Variants in ENPP1 observed in about 807,000 individuals in gnomAD.
ENPP1 encodes the protein ectonucleotide pyrophosphatase/phosphodiesterase 1, also known as ectonucleotide pyrophosphatase/phosphodiesterase family member 1.
Under a neutral mutation model 122.8 loss-of-function variants are expected in ENPP1, and 73 were observed. That is an observed-to-expected ratio of 0.59 (90% CI 0.49 to 0.72). The LOEUF is 0.72. Among genes scored for constraint, ENPP1 ranks in the 30% least tolerant of loss-of-function variants. The probability of loss-of-function intolerance (pLI) is 0.00; values close to 1 mark genes in which losing one functional copy is unlikely to be tolerated. For missense variants in ENPP1, 978 were observed against 1,128.1 expected (o/e 0.87, Z 1.91); for synonymous variants, 367 against 391.6 (o/e 0.94, Z 0.74).
chr6:131,853,318 C>T (rs1781904162), intron 5 of ENPP1, among the ~76,000 whole-genome samples: 1 of 152,112 alleles, frequency 6.6e-6, no homozygotes, highest in South Asian at 2.1e-4. Flanking sequence ...CCAAGGAATA[C>T]TGGGAATGTT....
chr6:131,871,312 A>G (rs151113668), intron 13 of ENPP1, among the ~76,000 whole-genome samples: 25 of 152,354 alleles, frequency 1.6e-4, no homozygotes, highest in African/African-American at 6.0e-4. Context: ...GAAGCTAGAC[A>G]GTTATTGATT....
At chr6:131,858,596 G>C in intron 6 of ENPP1, 72 bp from the exon 7 acceptor site, 1 of 939,868 alleles carries the variant, frequency 1.1e-6, no homozygotes, top group Non-Finnish European at 1.7e-6. Flanking sequence ...GACTGCTGTG[G>C]TACCACTGCT....
intron 1 of ENPP1, among the ~76,000 whole-genome samples, chr6:131,835,292 T>G (rs1781660585): frequency 6.6e-6 from 1 of 152,190 alleles, no homozygotes; most frequent in African/African-American, 2.4e-5. Flanking sequence ...AATTATTTTG[T>G]CAATTGTCAT....
rs1212319299 is a variant in ENPP1, at chr6:131,808,212, G to A, written c.177G>A (p.Pro59=). The change falls in exon 1 of 25, where the codon CCG becomes CCA. Residue 59 remains proline, a synonymous_variant. Coordinates refer to ENST00000647893, the MANE Select transcript of ENPP1 (RefSeq NM_006208.3). ...LLAPMDVGEE[P]LEKAARARTA... is the part of the protein sequence containing the mutation. ...CCCCTATGGACGTGGGGGAGGAGCC[G>A]CTGGAGAAGGCGGCGCGCGCCCGCA... 1.3e-6 allele frequency: 2 copies of A among 1,511,854 alleles called. No individual in the cohort carries two copies. The highest frequency in any genetic ancestry group is 2.3e-4 in the Middle Eastern group (1 of 4,270). The allele number at this position is 1,511,854 out of a possible 1,614,324, so 93.7% of individuals were successfully genotyped here.
Position 131,886,700 on chromosome 6 carries a change from G to A in ENPP1, c.2583G>A (p.Arg861=), listed in dbSNP as rs1388627584. The A allele has an allele frequency of 1.9e-6, 3 of 1,613,850 alleles. No individual in the cohort carries two copies. The highest frequency in any genetic ancestry group is 1.1e-5 in the South Asian group (1 of 90,994). The part of the protein sequence containing the change: ...LDTLAFILPH[R]TDNSESCVHG... ...CCTTAGCTTTCATTTTGCCTCACAG[G>A]ACTGATAACAGCGAGAGCTGTGTGG... is the stretch of plus-strand genomic sequence containing the variant. Residue 861 remains arginine (R), a synonymous_variant, in exon 24 of 25, where the codon AGG becomes AGA. Coordinates refer to ENST00000647893, the MANE Select transcript of ENPP1 (RefSeq NM_006208.3).
intron 3 of ENPP1, 50 bp from the exon 4 acceptor site, chr6:131,851,092 A>C (rs1347403212): frequency 6.2e-7 from 1 of 1,604,830 alleles, no homozygotes; most frequent in Non-Finnish European, 8.5e-7. Flanking sequence ...TTCACTTTGG[A>C]CATGTTGAAT....
Position 131,852,195 on chromosome 6 carries a change from G to A in ENPP1, c.577G>A (p.Glu193Lys). ...TTTAGGTGAGAAAAGTTGGGTAGAA[G>A]AACCATGTGAGAGCATTAATGAGCC... is the stretch of plus-strand genomic sequence containing the variant. Reference protein sequence around the residue: ...VCQGEKSWVEEPCESINEPQC... With the variant: ...VCQGEKSWVEKPCESINEPQC... The change falls in exon 5 of 25, where the codon GAA becomes AAA. Residue 193 changes from glutamate to lysine, a missense_variant. By Grantham distance (56) the Glu-to-Lys change is moderately conservative. Around this residue, in one of 3 missense-constraint regions of ENPP1, gnomAD observed 330 missense variants for 328.5 expected, o/e 1.00. Coordinates refer to ENST00000647893, the MANE Select transcript of ENPP1 (RefSeq NM_006208.3). 1 of 1,606,182 alleles carries A rather than the reference G, an allele frequency of 6.2e-7. No individual in the cohort carries two copies.
At chr6:131,812,080 G>C (rs970717340) in intron 1 of ENPP1, among the ~76,000 whole-genome samples, 1 of 152,114 alleles carries the variant, frequency 6.6e-6, no homozygotes, top group Non-Finnish European at 1.5e-5. Flanking sequence ...CACTTACACT[G>C]GAGTTGAGGT....
rs113260515 is a variant in ENPP1, at chr6:131,849,926, G to A, written c.314-64G>A. ...GTGTACACCTAACTTAGTTGTATTC[G>A]TTGATGTTTACTTTGAATTATATAA... On this transcript the variant is annotated intron_variant, in intron 2 of 24. Transcript: ENST00000647893. 3.8e-3 allele frequency: 4,412 copies of A among 1,174,648 alleles called. 117 individuals are homozygous for A. The African/African-American group carries it at 0.055, about 15-fold the overall frequency. 72.8% of individuals were successfully genotyped at this position (1,174,648 alleles called of 1,614,324 possible). A position where few individuals can be genotyped will look rare whatever the true frequency, so the allele number is the denominator to read the frequency against.
chr6:131,809,150 C>T (rs1404319587), intron 1 of ENPP1, among the ~76,000 whole-genome samples: 2 of 152,070 alleles, frequency 1.3e-5, no homozygotes, highest in African/African-American at 4.8e-5. Flanking sequence ...GAAAATCAAG[C>T]TGAAGAATGT....
Position 131,875,767 on chromosome 6 carries a change from G to T in ENPP1, c.1636-9G>T. ...ATGCACTGATAAACTTCCTTTTCTG[G>T]CCATCTAGGCCCTCTTTGTTGGCTA... On this transcript the variant is annotated splice_polypyrimidine_tract_variant and intron_variant, in intron 16 of 24. Coordinates refer to ENST00000647893, the MANE Select transcript of ENPP1 (RefSeq NM_006208.3). 1.9e-6 allele frequency: 3 copies of T among 1,612,068 alleles called. No homozygotes were observed. Among genetic ancestry groups the T allele is most frequent in the Non-Finnish European group, 2.5e-6 (3 of 1,178,136 alleles).
chr6:131,864,180 C>T (rs1478026482), intron 9 of ENPP1, among the ~76,000 whole-genome samples: 3 of 152,080 alleles, frequency 2.0e-5, no homozygotes, highest in Non-Finnish European at 2.9e-5. Flanking sequence ...TGAGTGAGTG[C>T]TTCATGATGT....
At chr6:131,818,282 C>A (rs1333714774) in intron 1 of ENPP1, among the ~76,000 whole-genome samples, 1 of 151,096 alleles carries the variant, frequency 6.6e-6, no homozygotes, top group African/African-American at 2.4e-5. Context: ...CATGCACTTG[C>A]AATAAAAAAA....
At chr6:131,856,990 T>G (rs868754724) in intron 6 of ENPP1, among the ~76,000 whole-genome samples, 18 of 152,174 alleles carry the variant, frequency 1.2e-4, no homozygotes, top group Middle Eastern at 3.4e-3. Flanking sequence ...TTTGGTTCCA[T>G]ATGAACTTTA....
chr6:131,828,277 C>T, intron 1 of ENPP1: 1 of 539,292 alleles, frequency 1.9e-6, no homozygotes, highest in African/African-American at 1.9e-5. Flanking sequence ...TGCTCTGTGT[C>T]AGCTGGAGAG....
intron 1 of ENPP1, among the ~76,000 whole-genome samples, chr6:131,822,921 TTA>T (rs1304499436): frequency 6.6e-6 from 1 of 152,224 alleles, no homozygotes; most frequent in East Asian, 1.9e-4. Flanking sequence ...CTTCTCTGCA[TTA>T]TGTTTCTGCT....
intron 2 of ENPP1, among the ~76,000 whole-genome samples, chr6:131,849,219 G>A (rs983818534): frequency 2.6e-5 from 4 of 152,082 alleles, no homozygotes; most frequent in African/African-American, 9.7e-5. Context: ...GCATGCACCT[G>A]GCTGGGTTTT....
intron 24 of ENPP1, among the ~76,000 whole-genome samples, chr6:131,889,889 T>C (rs1455398114): frequency 6.6e-6 from 1 of 152,228 alleles, no homozygotes; most frequent in African/African-American, 2.4e-5. Context: ...GTGGTTGCAC[T>C]AATTTACACT....
At chr6:131,873,764 C>G (rs1459611215) in intron 15 of ENPP1, among the ~76,000 whole-genome samples, 2 of 151,886 alleles carry the variant, frequency 1.3e-5, no homozygotes. Context: ...ATTCAGTAAA[C>G]AGAATTATAC....
Sources: gnomAD v4.1 joint callset for allele counts (sites outside exome capture counted in the v4.1 genomes callset) on GRCh38, gnomAD v4.1.1 for gene constraint, gnomAD v4.1.1 regional missense constraint, MANE v1.5 for transcripts, NCBI Gene and HGNC (gene_info 2026-07-23, HGNC 2026-07-21) for gene names.